Variants in CD300E observed in about 807,000 individuals in gnomAD.
CD300E encodes CMRF35-like molecule 2.
Under a neutral mutation model 20.9 loss-of-function variants are expected in CD300E, and 14 were observed. That is an observed-to-expected ratio of 0.67 (90% CI 0.44 to 1.05). The LOEUF (loss-of-function observed/expected upper bound fraction) is 1.05. Ranked by LOEUF, CD300E falls within the 50% of genes least tolerant of loss-of-function variation. CD300E has a pLI of 0.00. For synonymous variants in CD300E, 102 were observed against 103.7 expected, an observed-to-expected ratio of 0.98 and a Z score of 0.10; for missense variants, 237 against 253.9, an observed-to-expected ratio of 0.93 and a Z score of 0.45.
intron 2 of CD300E, among the ~76,000 whole-genome samples, chr17:74,614,834 C>T (rs1020599624): frequency 2.0e-5 from 3 of 152,156 alleles, no homozygotes; most frequent in East Asian, 3.9e-4. Flanking sequence ...GGTTGACACT[C>T]GGCTCCTCCT....
intron 1 of CD300E, 151 bp downstream of exon 1, chr17:74,623,431 T>C: frequency 1.4e-6 from 1 of 694,380 alleles, no homozygotes. Context: ...GATGAATGAT[T>C]GAATGTATAG....
At chr17:74,614,597 C>T (rs1049187092) in intron 2 of CD300E, among the ~76,000 whole-genome samples, 3 of 151,976 alleles carry the variant, frequency 2.0e-5, no homozygotes, top group African/African-American at 7.3e-5. Context: ...ATTCTCCTGC[C>T]TCAGCCACCC....
intron 1 of CD300E, chr17:74,619,073 T>C: frequency 2.1e-6 from 1 of 470,982 alleles, no homozygotes. Flanking sequence ...ACACCCCTCC[T>C]GAGATTTGAG....
chr17:74,617,051 C>T lies in CD300E; in HGVS notation c.388+67G>A, dbSNP rs548494643. 36 of 1,364,878 alleles carry T rather than the reference C, an allele frequency of 2.6e-5. No homozygotes were observed. The African/African-American group carries it at 3.3e-4, about 12-fold the overall frequency. 84.5% of individuals were successfully genotyped at this position (1,364,878 alleles called of 1,614,324 possible). A position where few individuals can be genotyped will look rare whatever the true frequency, so the allele number is the denominator to read the frequency against. ...GACTTGGACGCACACTTCAGTGTGC[C>T]GCCCACCCTTGTTCCCTTGTCCAGT... On this transcript the variant is annotated intron_variant, in intron 2 of 3. Transcript: ENST00000392619.
In CD300E at chr17:74,612,332, G is replaced by T. The variant is rs1021500425; in HGVS notation, c.*321C>A. On this transcript the variant is annotated 3_prime_UTR_variant, in exon 4 of 4. Coordinates refer to ENST00000392619, the MANE Select transcript of CD300E (RefSeq NM_181449.3). Reference sequence around the variant, plus strand: ...TGGCCTGGAACTCTTACGTTCAGCCGATCCTCCTGCCTCAGCCTCCTGAGC... The same window carrying T: ...TGGCCTGGAACTCTTACGTTCAGCCTATCCTCCTGCCTCAGCCTCCTGAGC... 2.6e-5 allele frequency: 5 copies of T among 189,912 alleles called. No individual in the cohort carries two copies. The highest frequency in any genetic ancestry group is 4.4e-5 in the Non-Finnish European group (4 of 91,904). 11.8% of individuals were successfully genotyped at this position (189,912 alleles called of 1,614,324 possible).
rs1376621162 is a variant in CD300E, at chr17:74,617,432, G to A, written c.74C>T (p.Thr25Ile). The A allele has an allele frequency of 6.2e-7, 1 of 1,613,762 alleles. No individual in the cohort carries two copies. The highest frequency in any genetic ancestry group is 8.5e-7 in the Non-Finnish European group (1 of 1,180,006). ...TGTCAGAGAGTCCCCCGCAGTGCCA[G>A]TCACAGAGCCGGGGCCCTTCAGAGA... ...CLSLKGPGSVTGTAGDSLTVW... is the reference protein window; with the variant it reads ...CLSLKGPGSVIGTAGDSLTVW... The change falls in exon 2 of 4, where the codon ACT (threonine) becomes ATT (isoleucine). Residue 25 changes from threonine to isoleucine, a missense_variant. By Grantham distance (89) the Thr-to-Ile change is moderately conservative. Coordinates refer to ENST00000392619, the MANE Select transcript of CD300E (RefSeq NM_181449.3).
chr17:74,616,728 C>T (rs1227999987), intron 2 of CD300E, among the ~76,000 whole-genome samples: 2 of 152,130 alleles, frequency 1.3e-5, no homozygotes, highest in African/African-American at 2.4e-5. Context: ...AAGGTCTTCC[C>T]AAGCAAGACA....
intron 2 of CD300E, among the ~76,000 whole-genome samples, chr17:74,616,497 T>C (rs1377027341): frequency 6.6e-6 from 1 of 151,890 alleles, no homozygotes; most frequent in Non-Finnish European, 1.5e-5. Flanking sequence ...CAGGACTCCG[T>C]TGAATGAGGG....
chr17:74,610,138 G>A lies in CD300E; in HGVS notation c.*2515C>T, dbSNP rs1568031897. The A allele has an allele frequency of 6.6e-6, 1 of 152,212 alleles. No homozygotes were observed. Among genetic ancestry groups the A allele is most frequent in the Non-Finnish European group, 1.5e-5 (1 of 68,078 alleles). The allele number at this position is 152,212 out of a possible 1,614,324, so 9.4% of individuals were successfully genotyped here. A position where few individuals can be genotyped will look rare whatever the true frequency, so the allele number is the denominator to read the frequency against. ...GACCTTGTGAATGATAAGTTCAATAGCCTCCTCTCAATCCCGGTCCTCCTC... is the reference window on the plus strand; with the variant it reads ...GACCTTGTGAATGATAAGTTCAATAACCTCCTCTCAATCCCGGTCCTCCTC... On this transcript the variant is annotated 3_prime_UTR_variant, in exon 4 of 4. Coordinates refer to ENST00000392619, the MANE Select transcript of CD300E (RefSeq NM_181449.3).
intron 3 of CD300E, 27 bp from the exon 4 acceptor site, chr17:74,612,800 C>A: frequency 6.2e-7 from 1 of 1,612,054 alleles, no homozygotes; most frequent in South Asian, 1.1e-5. Flanking sequence ...GAAAATGAGT[C>A]ACTTCCCCGG....
intron 2 of CD300E, among the ~76,000 whole-genome samples, chr17:74,616,134 A>G (rs909629052): frequency 1.4e-4 from 21 of 152,068 alleles, no homozygotes; most frequent in Non-Finnish European, 2.2e-4. Context: ...AAAGTGGTCT[A>G]GGAAGGAAGT....
chr17:74,616,996 C>G, intron 2 of CD300E, 122 bp downstream of exon 2: 1 of 861,210 alleles, frequency 1.2e-6, no homozygotes, highest in East Asian at 2.6e-5. Flanking sequence ...TAGGCTCCTC[C>G]CAACACCACT....
intron 1 of CD300E, among the ~76,000 whole-genome samples, chr17:74,620,242 C>T (rs532158138): frequency 2.6e-5 from 4 of 152,134 alleles, no homozygotes; most frequent in African/African-American, 4.8e-5. Flanking sequence ...GAGGCCGAGG[C>T]GGGCGGATCA....
At chr17:74,618,349 G>A (rs931848568) in intron 1 of CD300E, among the ~76,000 whole-genome samples, 3 of 152,194 alleles carry the variant, frequency 2.0e-5, no homozygotes, top group African/African-American at 7.2e-5. Flanking sequence ...GCACGTGTGT[G>A]TGGGTGTGAG....
intron 3 of CD300E, among the ~76,000 whole-genome samples, chr17:74,613,032 A>T (rs1164389674): frequency 6.6e-6 from 1 of 152,206 alleles, no homozygotes; most frequent in Non-Finnish European, 1.5e-5. Flanking sequence ...TGCGCTCCAC[A>T]GCACCCTCTC....
At position 74,612,376 on chromosome 17, in the gene CD300E, C is replaced by T. The variant is rs113753161; in HGVS notation, c.*277G>A. ...CCTGAGCTGGGATTATAGGCACTCGCTATGGTGCCCGGCCAACTTCCAGGG... is the reference window on the plus strand; with the variant it reads ...CCTGAGCTGGGATTATAGGCACTCGTTATGGTGCCCGGCCAACTTCCAGGG... On this transcript the variant is annotated 3_prime_UTR_variant, in exon 4 of 4. Coordinates refer to ENST00000392619, the MANE Select transcript of CD300E (RefSeq NM_181449.3). 4 of 286,794 alleles carry T rather than the reference C, an allele frequency of 1.4e-5. No individual in the cohort carries two copies. The highest frequency in any genetic ancestry group is 4.4e-5 in the African/African-American group (2 of 45,348). 17.8% of individuals were successfully genotyped at this position (286,794 alleles called of 1,614,324 possible).
At chr17:74,617,546 A>C (rs1568035109) in intron 1 of CD300E, 81 bp from the exon 2 acceptor site, 1 of 1,232,376 alleles carries the variant, frequency 8.1e-7, no homozygotes, top group Non-Finnish European at 1.1e-6. Flanking sequence ...TAAGGGGAAG[A>C]TTGCCAGGGA....
At chr17:74,617,078 G>A (rs367744999) in intron 2 of CD300E, 40 bp downstream of exon 2, 453 of 1,567,524 alleles carry the variant, frequency 2.9e-4, no homozygotes, top group Non-Finnish European at 3.6e-4. Flanking sequence ...TTGTCCAGTC[G>A]CACCCCAAAC....
chr17:74,618,823 C>T (rs986775659), intron 1 of CD300E, among the ~76,000 whole-genome samples: 5 of 152,090 alleles, frequency 3.3e-5, no homozygotes, highest in African/African-American at 1.2e-4. Flanking sequence ...CACCCTGACC[C>T]CTTCCCAGCC....
Sources: allele counts gnomAD v4.1 joint callset (sites outside exome capture counted in the v4.1 genomes callset), GRCh38; gene constraint gnomAD v4.1.1; transcripts MANE v1.5; gene names NCBI Gene and HGNC (gene_info 2026-07-23, HGNC 2026-07-21).